DOCK2: variants seen among roughly 807,000 people sequenced by gnomAD.
The protein encoded by DOCK2 is dedicator of cytokinesis 2, also known as dedicator of cytokinesis protein 2.
A neutral mutation model predicts 248.9 loss-of-function variants in DOCK2; 87 were observed. The observed-to-expected ratio is 0.35, with a 90% CI of 0.29 to 0.42. DOCK2 has a LOEUF of 0.42. DOCK2 is among the 10% of genes least tolerant of loss of function. The pLI, the probability that DOCK2 is intolerant of heterozygous loss-of-function variation, is 1.00. For missense variants in DOCK2, 1,747 were observed against 2,300.2 expected, an observed-to-expected ratio of 0.76 and a Z score of 4.92; for synonymous variants, 805 against 821.6, an observed-to-expected ratio of 0.98 and a Z score of 0.35.
intron 46 of DOCK2, among the ~76,000 whole-genome samples, chr5:170,071,081 C>T (rs983453378): frequency 6.6e-6 from 1 of 152,200 alleles, no homozygotes; most frequent in Non-Finnish European, 1.5e-5. Context: ...TTGACCTCAG[C>T]CATATCCCTC....
chr5:170,075,852 C>A, intron 46 of DOCK2, 95 bp from the exon 47 acceptor site: 1 of 1,512,162 alleles, frequency 6.6e-7, no homozygotes, highest in Non-Finnish European at 9.0e-7. Context: ...GAATTCTTAG[C>A]AGGCAGACTT....
intron 27 of DOCK2, among the ~76,000 whole-genome samples, chr5:169,927,955 T>C (rs986666460): frequency 2.0e-5 from 3 of 152,224 alleles, no homozygotes; most frequent in Non-Finnish European, 2.9e-5. Context: ...TGAGATGGTA[T>C]AACCAGCAGG....
At chr5:169,647,875 T>C (rs1048836309) in intron 1 of DOCK2, among the ~76,000 whole-genome samples, 1 of 152,200 alleles carries the variant, frequency 6.6e-6, no homozygotes, top group Non-Finnish European at 1.5e-5. Context: ...TGTGTGTTTA[T>C]TTTGTCTCTT....
Position 169,743,896 on chromosome 5 carries a change from CTT to C in DOCK2, c.2268-3499_2268-3498del, listed in dbSNP as rs377002957. Among the ~76,000 whole-genome samples the C allele has an allele frequency of 2.0e-4, 30 of 147,988 alleles. 1 individual carries two copies. In the East Asian group the frequency reaches 4.7e-3, roughly 23 times the overall value. On this transcript the variant is annotated intron_variant, in intron 22 of 51. Transcript: ENST00000520908. Reference sequence around the variant, plus strand: ...TGATTTATATTTAAATTTGTATAAACTTATATTTAAATTATAAATTTAAGATT... The same window carrying C: ...TGATTTATATTTAAATTTGTATAAACATATTTAAATTATAAATTTAAGATT...
At chr5:169,715,710 A>G (rs985442891) in intron 19 of DOCK2, among the ~76,000 whole-genome samples, 3 of 152,024 alleles carry the variant, frequency 2.0e-5, no homozygotes, top group Non-Finnish European at 4.4e-5. Flanking sequence ...CGTAAACACC[A>G]TGTGTACTCA....
rs1476630838 is a variant in DOCK2 at position 170,067,401 on chromosome 5, GCATTGCCTCATTTGAATTCC to G, written c.4468-106_4468-87del. 2.7e-6 allele frequency: 3 copies of G among 1,124,134 alleles called. No homozygotes were observed. In the African/African-American group the frequency reaches 4.7e-5, roughly 18 times the overall value. 69.6% of individuals were successfully genotyped at this position (1,124,134 alleles called of 1,614,324 possible). A position where few individuals can be genotyped will look rare whatever the true frequency, so the allele number is the denominator to read the frequency against. On this transcript the variant is annotated intron_variant, in intron 44 of 51. Transcript: ENST00000520908. ...AGATCCTGTTACAGCCCCTTAGGGA[GCATTGCCTCATTTGAATTCC>G]CACCCCAAGTGAAATCAATACCAAT... is the stretch of plus-strand genomic sequence containing the variant.
At chr5:170,031,089 T>C (rs1430536325) in intron 34 of DOCK2, among the ~76,000 whole-genome samples, 3 of 152,242 alleles carry the variant, frequency 2.0e-5, no homozygotes, top group Non-Finnish European at 4.4e-5. Flanking sequence ...GATCCACGTA[T>C]ATCTGAAAGT....
chr5:169,770,288 G>A (rs1018080088), intron 25 of DOCK2, among the ~76,000 whole-genome samples: 1 of 137,132 alleles, frequency 7.3e-6, no homozygotes, highest in African/African-American at 2.7e-5. Context: ...ACATTCTTGA[G>A]TCTTTTTTTT....
At chr5:170,010,088 G>A (rs1248943451) in intron 32 of DOCK2, among the ~76,000 whole-genome samples, 1 of 152,126 alleles carries the variant, frequency 6.6e-6, no homozygotes, top group Non-Finnish European at 1.5e-5. Flanking sequence ...GAGCCATGGA[G>A]GCCACCACAC....
rs747370211 is a variant in DOCK2 at position 170,081,861 on chromosome 5, A to G, written c.5307A>G (p.Ala1769=). The change falls in exon 51 of 52, where the codon GCA becomes GCG. Residue 1769 remains alanine, a synonymous_variant. Transcript: ENST00000520908. ...TTCCAGCCCTGGCGCTCTCAGTGGC[A>G]GGCATCCCTGGGTTGGATGAGGCCA... The part of the protein sequence containing the change: ...PTIPALALSV[A]GIPGLDEANT... 1.1e-5 allele frequency: 18 copies of G among 1,611,006 alleles called. No individual in the cohort carries two copies. The South Asian group carries it at 1.9e-4, about 17-fold the overall frequency.
intron 27 of DOCK2, among the ~76,000 whole-genome samples, chr5:169,976,652 G>T (rs1259491858): frequency 6.6e-6 from 1 of 152,020 alleles, no homozygotes; most frequent in Non-Finnish European, 1.5e-5. Flanking sequence ...CTCCAACCAG[G>T]ATCAGAAGGT....
rs934501944 is a variant in DOCK2 at position 169,850,914 on chromosome 5, A to G, written c.2799+10062A>G. Among the ~76,000 whole-genome samples, 4 of 152,196 alleles carry G rather than the reference A, an allele frequency of 2.6e-5. No individual in the cohort carries two copies. In the South Asian group the frequency reaches 6.2e-4, roughly 24 times the overall value. On this transcript the variant is annotated intron_variant, in intron 27 of 51. Coordinates refer to ENST00000520908, the MANE Select transcript of DOCK2 (RefSeq NM_004946.3). Reference sequence around the variant, plus strand: ...AAGTGGGAGGAGCATTTCTTGCCCTATGCCTTCTTGCAGTCTGCGAAACTC... The same window carrying G: ...AAGTGGGAGGAGCATTTCTTGCCCTGTGCCTTCTTGCAGTCTGCGAAACTC...
intron 27 of DOCK2, among the ~76,000 whole-genome samples, chr5:169,921,260 T>TA (rs1775161561): frequency 6.6e-6 from 1 of 152,236 alleles, no homozygotes; most frequent in Admixed American, 6.5e-5. Flanking sequence ...TGGATTAGAA[T>TA]ATTCAAGATC....
intron 27 of DOCK2, among the ~76,000 whole-genome samples, chr5:169,853,035 T>C (rs1264206633): frequency 6.6e-6 from 1 of 152,222 alleles, no homozygotes; most frequent in African/African-American, 2.4e-5. Flanking sequence ...TAGGAGGTAA[T>C]TGAATCAGCC....
chr5:169,998,973 C>T (rs1754740420), intron 30 of DOCK2, among the ~76,000 whole-genome samples: 1 of 152,158 alleles, frequency 6.6e-6, no homozygotes, highest in Admixed American at 6.5e-5. Flanking sequence ...GAACACCATA[C>T]CTAGGGGCCA....
At position 169,834,620 on chromosome 5, in the gene DOCK2, C is replaced by T. The variant is rs375969730; in HGVS notation, c.2704-6137C>T. On this transcript the variant is annotated intron_variant, in intron 26 of 51. Coordinates refer to ENST00000520908, the MANE Select transcript of DOCK2 (RefSeq NM_004946.3). ...CAGTCAGTGCTCTCCAGCTAAATGT[C>T]CCAACCAGATCACCCTGTAGTAAGC... Among the ~76,000 whole-genome samples the T allele has an allele frequency of 1.4e-4, 19 of 131,932 alleles. No homozygotes were observed. In the East Asian group the frequency reaches 4.0e-3, roughly 28 times the overall value. The allele number at this position is 131,932 out of a possible 152,430, so 86.6% of individuals were successfully genotyped here.
At chr5:170,064,988 G>T (rs1400444232) in intron 44 of DOCK2, among the ~76,000 whole-genome samples, 1 of 151,430 alleles carries the variant, frequency 6.6e-6, no homozygotes, top group Non-Finnish European at 1.5e-5. Flanking sequence ...CTTTAATGAT[G>T]GTGGGCAAAT....
chr5:169,673,373 AAAATC>A (rs991807535), intron 5 of DOCK2, among the ~76,000 whole-genome samples: 4 of 152,156 alleles, frequency 2.6e-5, no homozygotes, highest in African/African-American at 9.7e-5. Context: ...ACCAAGGACA[AAAATC>A]AAGTGTGTAT....
At chr5:170,073,983 G>T (rs1301250204) in intron 46 of DOCK2, among the ~76,000 whole-genome samples, 1 of 151,848 alleles carries the variant, frequency 6.6e-6, no homozygotes, top group Non-Finnish European at 1.5e-5. Context: ...TTCTCCCTTT[G>T]AATTTAGTTC....
Sources: allele counts gnomAD v4.1 joint callset (sites outside exome capture counted in the v4.1 genomes callset), GRCh38; gene constraint gnomAD v4.1.1; transcripts MANE v1.5; gene names NCBI Gene and HGNC (gene_info 2026-07-23, HGNC 2026-07-21).